G2E3: variants seen among roughly 807,000 people sequenced by gnomAD.
G2E3 encodes the protein G2/M-phase specific E3 ubiquitin protein ligase, also known as G2/M phase-specific E3 ubiquitin-protein ligase.
A neutral mutation model predicts 92.8 loss-of-function variants in G2E3; 35 were observed. The observed-to-expected ratio is 0.38, with a 90% CI of 0.29 to 0.50. The LOEUF (loss-of-function observed/expected upper bound fraction) is 0.50, where lower values mean the gene tolerates loss of function less well. G2E3 is among the 20% of genes least tolerant of loss of function. The probability of loss-of-function intolerance (pLI) is 0.94; values close to 1 mark genes in which losing one functional copy is unlikely to be tolerated. For missense variants in G2E3, 554 were observed against 823.8 expected (o/e 0.67, Z 4.01); for synonymous variants, 242 against 272.4 (o/e 0.89, Z 1.10).
chr14:30,602,024 T>G lies in G2E3; in HGVS notation c.903T>G (p.His301Gln), dbSNP rs1449218857. 3 of 1,611,438 alleles carry G rather than the reference T, an allele frequency of 1.9e-6. No homozygotes were observed. The highest frequency in any genetic ancestry group is 2.7e-5 in the African/African-American group (2 of 74,940). ...GAGAGTTCCAAAAAGCCAAAAAACA[T>G]GTATTACCCAATTCTAATAATGTGG... The part of the protein sequence containing the change: ...NSGEFQKAKK[H>Q]VLPNSNNVGI... Residue 301 changes from histidine (H) to glutamine (Q), a missense_variant, in exon 10 of 15, where the codon CAT (histidine) becomes CAG (glutamine). This residue lies in a region of G2E3 where 397 missense variants were observed against 560.3 expected (regional missense o/e 0.71). Coordinates refer to ENST00000206595, the MANE Select transcript of G2E3 (RefSeq NM_017769.5).
intron 13 of G2E3, 54 bp downstream of exon 13, chr14:30,612,433 T>G: frequency 9.1e-7 from 1 of 1,098,884 alleles, no homozygotes; most frequent in Non-Finnish European, 1.3e-6. Flanking sequence ...TTAAAGTGGT[T>G]AATTATCTTG....
At chr14:30,604,200 C>T (rs943437582) in intron 10 of G2E3, among the ~76,000 whole-genome samples, 1 of 152,164 alleles carries the variant, frequency 6.6e-6, no homozygotes, top group Non-Finnish European at 1.5e-5. Flanking sequence ...AATCAACCTG[C>T]TATAAAAAAG....
At chr14:30,600,883 GT>G (rs1383286317) in intron 8 of G2E3, among the ~76,000 whole-genome samples, 6 of 152,162 alleles carry the variant, frequency 3.9e-5, no homozygotes, top group Admixed American at 2.6e-4. Flanking sequence ...AGTGACAGTG[GT>G]TCTCTCTACC....
At chr14:30,574,234 C>T (rs1432326831) in intron 1 of G2E3, among the ~76,000 whole-genome samples, 2 of 152,068 alleles carry the variant, frequency 1.3e-5, no homozygotes, top group East Asian at 3.9e-4. Flanking sequence ...TGATAGTCTA[C>T]TAAATAACCT....
intron 2 of G2E3, among the ~76,000 whole-genome samples, chr14:30,582,534 C>A (rs1281332986): frequency 6.6e-6 from 1 of 152,180 alleles, no homozygotes; most frequent in Non-Finnish European, 1.5e-5. Flanking sequence ...TTCCCCTCTT[C>A]TATAGTTTCA....
Position 30,564,839 on chromosome 14 carries a change from C to T in G2E3, c.-5+5567C>T, listed in dbSNP as rs141220050. On this transcript the variant is annotated intron_variant, in intron 1 of 14. Transcript: ENST00000206595. ...CCACATAATCATTCTATGGATATACCACATTTTGTATATCCATTCATCAAT... is the reference window on the plus strand; with the variant it reads ...CCACATAATCATTCTATGGATATACTACATTTTGTATATCCATTCATCAAT... Among the ~76,000 whole-genome samples the T allele has an allele frequency of 3.9e-3, 592 of 152,166 alleles. 4 individuals are homozygous for T. The highest frequency in any genetic ancestry group is 0.014 in the African/African-American group (567 of 41,510).
At chr14:30,560,770 C>G in intron 1 of G2E3, 1 of 701,986 alleles carries the variant, frequency 1.4e-6, no homozygotes, top group Non-Finnish European at 2.6e-6. Context: ...CTGATTCCTG[C>G]ACTTCAGATC....
intron 13 of G2E3, among the ~76,000 whole-genome samples, chr14:30,612,829 C>T (rs1474905182): frequency 1.3e-5 from 2 of 152,010 alleles, no homozygotes; most frequent in African/African-American, 4.8e-5. Context: ...TGCACTCCAG[C>T]CTGGGTGACA....
rs747921640 is a variant in G2E3 at position 30,602,058 on chromosome 14, G to C, written c.937G>C (p.Asp313His). The C allele has an allele frequency of 1.8e-5, 29 of 1,611,198 alleles. No individual in the cohort carries two copies. The highest frequency in any genetic ancestry group is 2.2e-5 in the Non-Finnish European group (26 of 1,177,632). ...CAATTCTAATAATGTGGGGATTACA[G>C]ATTGTTTGTTGGAAGAGTCATCACC... is the stretch of plus-strand genomic sequence containing the variant. ...LPNSNNVGIT[D>H]CLLEESSPKL... Residue 313 changes from aspartate (D) to histidine (H), a missense_variant, in exon 10 of 15, where the codon GAT (aspartate) becomes CAT (histidine). Physicochemically the swap from Asp to His is moderately conservative, Grantham distance 81. Around this residue, in one of 3 missense-constraint regions of G2E3, gnomAD observed 397 missense variants for 560.3 expected, o/e 0.71. Coordinates refer to ENST00000206595, the MANE Select transcript of G2E3 (RefSeq NM_017769.5).
At chr14:30,613,683 A>G (rs899955967) in intron 13 of G2E3, among the ~76,000 whole-genome samples, 20 of 151,134 alleles carry the variant, frequency 1.3e-4, no homozygotes, top group Admixed American at 4.6e-4. Flanking sequence ...TTTTAAATCT[A>G]TTTTAATCTA....
chr14:30,576,911 A>G (rs1258171305), intron 1 of G2E3, among the ~76,000 whole-genome samples: 2 of 152,112 alleles, frequency 1.3e-5, no homozygotes, highest in Non-Finnish European at 2.9e-5. Flanking sequence ...CACCTTTTTC[A>G]GTAAGATTAG....
chr14:30,608,344 A>G (rs898572545), intron 12 of G2E3, among the ~76,000 whole-genome samples: 1 of 152,206 alleles, frequency 6.6e-6, no homozygotes, highest in African/African-American at 2.4e-5. Flanking sequence ...ACTCCTCAGA[A>G]ATACATGGAT....
rs543654055 is a variant in G2E3, at chr14:30,562,612, G to A, written c.-5+3340G>A. On this transcript the variant is annotated intron_variant, in intron 1 of 14. Coordinates refer to ENST00000206595, the MANE Select transcript of G2E3 (RefSeq NM_017769.5). ...CGGGAAAGGGAGTCTCCCTTTCCCCGGGGGAGTTTAGAGAAGACTCTACTC... is the reference window on the plus strand; with the variant it reads ...CGGGAAAGGGAGTCTCCCTTTCCCCAGGGGAGTTTAGAGAAGACTCTACTC... Among the ~76,000 whole-genome samples, 12 of 151,922 alleles carry A rather than the reference G, an allele frequency of 7.9e-5. No individual in the cohort carries two copies. In the East Asian group the frequency reaches 2.3e-3, roughly 30 times the overall value.
intron 8 of G2E3, among the ~76,000 whole-genome samples, chr14:30,600,509 G>T (rs1357889825): frequency 6.6e-6 from 1 of 152,100 alleles, no homozygotes; most frequent in Non-Finnish European, 1.5e-5. Context: ...AGGCACAGAT[G>T]AAATAATGTA....
intron 8 of G2E3, among the ~76,000 whole-genome samples, chr14:30,600,653 C>G (rs941183104): frequency 6.6e-6 from 1 of 152,182 alleles, no homozygotes; most frequent in Non-Finnish European, 1.5e-5. Flanking sequence ...CTTTCCAGGA[C>G]AAAGATATTG....
intron 6 of G2E3, among the ~76,000 whole-genome samples, chr14:30,596,115 TGG>T: frequency 2.3e-4 from 1 of 4,334 alleles, no homozygotes. Context: ...CTTATATGGG[TGG>T]GTGGGTGGGT....
At chr14:30,593,412 A>G (rs1881115767) in intron 5 of G2E3, 62 bp from the exon 6 acceptor site, 3 of 741,208 alleles carry the variant, frequency 4.0e-6, no homozygotes, top group East Asian at 2.6e-5. Flanking sequence ...TGTGAATTAC[A>G]GTGTTTTCCA....
intron 11 of G2E3, among the ~76,000 whole-genome samples, chr14:30,607,425 T>A (rs1411384881): frequency 1.3e-5 from 2 of 152,172 alleles, no homozygotes; most frequent in Non-Finnish European, 2.9e-5. Flanking sequence ...CTGTATAACA[T>A]GTTACTGTAC....
rs889456136 is a variant in G2E3, at chr14:30,560,807, G to A, written c.-5+1535G>A. 8.5e-6 allele frequency: 6 copies of A among 701,966 alleles called. No individual in the cohort carries two copies. In the Admixed American group the frequency reaches 1.0e-4, roughly 12 times the overall value. 43.5% of individuals were successfully genotyped at this position (701,966 alleles called of 1,614,324 possible). On this transcript the variant is annotated intron_variant, in intron 1 of 14. Coordinates refer to ENST00000206595, the MANE Select transcript of G2E3 (RefSeq NM_017769.5). ...CAGATTCTGAATCAGTAGGTCTGGA[G>A]GATGGCATTGAACAGTCTGCATATT...
Sources: gnomAD v4.1 joint callset for allele counts (sites outside exome capture counted in the v4.1 genomes callset) on GRCh38, gnomAD v4.1.1 for gene constraint, gnomAD v4.1.1 regional missense constraint, MANE v1.5 for transcripts, NCBI Gene and HGNC (gene_info 2026-07-23, HGNC 2026-07-21) for gene names.